Variants in SPAG16 observed in about 807,000 individuals in gnomAD.
SPAG16 encodes the protein sperm associated antigen 16.
A neutral mutation model predicts 80.4 loss-of-function variants in SPAG16; 86 were observed. The ratio of observed to expected loss-of-function variants is 1.07; its 90% confidence interval spans 0.90 to 1.28. The LOEUF (loss-of-function observed/expected upper bound fraction) is 1.28, where lower values mean the gene tolerates loss of function less well. SPAG16 is among the 50% of genes most tolerant of loss of function. The pLI is 0.00. For missense variants in SPAG16, 870 were observed against 765.3 expected (o/e 1.14, Z -1.61); for synonymous variants, 294 against 265.9 (o/e 1.11, Z -1.03).
At chr2:213,668,302 A>G (rs1424517480) in intron 10 of SPAG16, among the ~76,000 whole-genome samples, 1 of 136,454 alleles carries the variant, frequency 7.3e-6, no homozygotes, top group Non-Finnish European at 1.6e-5. Context: ...ATGAGTTAGT[A>G]CTCATATGGG....
intron 10 of SPAG16, among the ~76,000 whole-genome samples, chr2:213,705,610 T>C (rs1559394059): frequency 1.2e-5 from 1 of 84,086 alleles, no homozygotes; most frequent in Non-Finnish European, 3.5e-5. Flanking sequence ...TTAAGAAAAT[T>C]TTTTTAGGCA....
chr2:213,378,259 A>G (rs2066994844), intron 9 of SPAG16, among the ~76,000 whole-genome samples: 1 of 152,166 alleles, frequency 6.6e-6, no homozygotes, highest in Admixed American at 6.5e-5. Flanking sequence ...TCCTTTGGCA[A>G]CACCTTCACA....
chr2:214,396,081 T>C (rs1701352749), intron 15 of SPAG16, among the ~76,000 whole-genome samples: 1 of 152,186 alleles, frequency 6.6e-6, no homozygotes, highest in Non-Finnish European at 1.5e-5. Context: ...GTAATTCTGC[T>C]TCAAGTTCTT....
At chr2:214,029,685 C>A (rs113635309) in intron 13 of SPAG16, among the ~76,000 whole-genome samples, 5,457 of 152,106 alleles carry the variant, frequency 0.036, 155 homozygotes, top group South Asian at 0.15. Flanking sequence ...AAAAACAAAT[C>A]TTACTCAAAC....
chr2:213,663,062 T>G (rs1289490666), intron 10 of SPAG16, among the ~76,000 whole-genome samples: 1 of 152,058 alleles, frequency 6.6e-6, no homozygotes, highest in African/African-American at 2.4e-5. Context: ...ATCTGAGAAT[T>G]TTCAGGTTAA....
chr2:213,832,617 G>C (rs2073734250), intron 10 of SPAG16, among the ~76,000 whole-genome samples: 2 of 152,098 alleles, frequency 1.3e-5, no homozygotes, highest in Non-Finnish European at 2.9e-5. Context: ...ACCTAGGAGA[G>C]AGGAATCCTA....
At chr2:213,428,222 A>T (rs2125467708) in intron 9 of SPAG16, among the ~76,000 whole-genome samples, 1 of 152,320 alleles carries the variant, frequency 6.6e-6, no homozygotes, top group East Asian at 1.9e-4. Flanking sequence ...GCTGTGAGTG[A>T]AGTCCCAATA....
chr2:214,103,126 C>G (rs531823315), intron 13 of SPAG16, among the ~76,000 whole-genome samples: 13 of 152,278 alleles, frequency 8.5e-5, no homozygotes, highest in Admixed American at 6.5e-4. Flanking sequence ...TGTCATACTT[C>G]ACCGTTTTGT....
chr2:214,084,373 C>G (rs985792001), intron 13 of SPAG16, among the ~76,000 whole-genome samples: 1 of 152,144 alleles, frequency 6.6e-6, no homozygotes, highest in Non-Finnish European at 1.5e-5. Flanking sequence ...TGTTTTCCTC[C>G]CTTCAGCACG....
chr2:213,872,325 G>A (rs2075985500), intron 11 of SPAG16, among the ~76,000 whole-genome samples: 2 of 123,752 alleles, frequency 1.6e-5, no homozygotes, highest in South Asian at 8.1e-4. Context: ...CTGTAAGAGA[G>A]TAACTTCATG....
chr2:214,362,479 A>G (rs1174520681), intron 15 of SPAG16, among the ~76,000 whole-genome samples: 1 of 151,922 alleles, frequency 6.6e-6, no homozygotes, highest in Non-Finnish European at 1.5e-5. Context: ...TTTGTTCTAA[A>G]TGGGTGAATT....
intron 10 of SPAG16, among the ~76,000 whole-genome samples, chr2:213,516,990 T>C (rs923844508): frequency 6.6e-6 from 1 of 152,020 alleles, no homozygotes; most frequent in African/African-American, 2.4e-5. Flanking sequence ...AGAAAAAAAA[T>C]GAAAGGCATT....
At chr2:214,352,425 T>G (rs1698471312) in intron 15 of SPAG16, among the ~76,000 whole-genome samples, 1 of 152,236 alleles carries the variant, frequency 6.6e-6, no homozygotes, top group Non-Finnish European at 1.5e-5. Context: ...TCCCAAATAC[T>G]ATTGTAACAT....
intron 8 of SPAG16, among the ~76,000 whole-genome samples, chr2:213,372,967 A>C (rs866768248): frequency 1.3e-4 from 20 of 152,174 alleles, no homozygotes; most frequent in Admixed American, 8.5e-4. Context: ...TTAGCACTGG[A>C]AGGTACAATA....
chr2:213,767,412 A>G (rs1357545848), intron 10 of SPAG16, among the ~76,000 whole-genome samples: 1 of 152,140 alleles, frequency 6.6e-6, no homozygotes. Flanking sequence ...TCACACCTGT[A>G]ATCCTAGCAC....
intron 15 of SPAG16, among the ~76,000 whole-genome samples, chr2:214,349,510 C>T (rs961860504): frequency 1.3e-5 from 2 of 152,144 alleles, no homozygotes; most frequent in African/African-American, 2.4e-5. Context: ...GTGCTATGTC[C>T]AACTTTTGGG....
chr2:214,105,270 G>T (rs150244430), intron 13 of SPAG16, among the ~76,000 whole-genome samples: 85 of 152,272 alleles, frequency 5.6e-4, no homozygotes, highest in African/African-American at 2.0e-3. Context: ...AACTCAGGGA[G>T]AAGTAAGGGT....
At chr2:213,321,036 G>A (rs1163966665) in intron 5 of SPAG16, among the ~76,000 whole-genome samples, 1 of 151,966 alleles carries the variant, frequency 6.6e-6, no homozygotes, top group African/African-American at 2.4e-5. Context: ...TTGAGCTAAT[G>A]TTTGTATTTT....
chr2:213,473,551 C>T (rs2073204555), intron 9 of SPAG16, among the ~76,000 whole-genome samples: 1 of 152,154 alleles, frequency 6.6e-6, no homozygotes, highest in African/African-American at 2.4e-5. Flanking sequence ...CCTTTGGATC[C>T]TTTCCTCTAT....
Sources: gnomAD v4.1 joint callset for allele counts (sites outside exome capture counted in the v4.1 genomes callset) on GRCh38, gnomAD v4.1.1 for gene constraint, MANE v1.5 for transcripts, NCBI Gene and HGNC (gene_info 2026-07-23, HGNC 2026-07-21) for gene names.